MAMDC2: variants seen among roughly 807,000 people sequenced by gnomAD.
MAMDC2 encodes the protein MAM domain-containing protein 2.
In MAMDC2, 57 loss-of-function variants were observed where a neutral mutation model predicts 89.8. That is an observed-to-expected ratio of 0.63 (90% CI 0.51 to 0.79). The LOEUF (loss-of-function observed/expected upper bound fraction) is 0.79. Ranked by LOEUF, MAMDC2 falls within the 30% of genes least tolerant of loss-of-function variation. The pLI is 0.00. For missense variants in MAMDC2, 800 were observed against 820.6 expected, an observed-to-expected ratio of 0.97 and a Z score of 0.31; for synonymous variants, 313 against 293.4, an observed-to-expected ratio of 1.07 and a Z score of -0.68.
chr9:70,109,672 C>T, intron 3 of MAMDC2, 48 bp from the exon 4 acceptor site: 1 of 1,440,834 alleles, frequency 6.9e-7, no homozygotes, highest in Non-Finnish European at 9.8e-7. Flanking sequence ...ACCAAGGAAA[C>T]ATGATGTTTT....
chr9:70,060,327 T>C (rs1267134367), intron 2 of MAMDC2, among the ~76,000 whole-genome samples: 1 of 152,192 alleles, frequency 6.6e-6, no homozygotes, highest in Non-Finnish European at 1.5e-5. Flanking sequence ...TAGCAATCTA[T>C]GAAGGCTGAC....
chr9:70,129,286 G>A (rs1045431904), intron 6 of MAMDC2, among the ~76,000 whole-genome samples: 7 of 152,284 alleles, frequency 4.6e-5, no homozygotes, highest in African/African-American at 1.7e-4. Context: ...GAGTTTCCCT[G>A]CACAAGCTCT....
At chr9:70,069,658 C>T (rs1827356971) in intron 2 of MAMDC2, among the ~76,000 whole-genome samples, 2 of 152,172 alleles carry the variant, frequency 1.3e-5, no homozygotes. Flanking sequence ...GGAAAAGGTT[C>T]CAACTCCTGA....
chr9:70,083,519 T>C (rs1321959392), intron 2 of MAMDC2: 3 of 152,054 alleles, frequency 2.0e-5, no homozygotes, highest in Admixed American at 2.0e-4. Context: ...CCACCACTTA[T>C]GACAATCTAT....
chr9:70,045,427 G>A (rs1826724607), intron 2 of MAMDC2, among the ~76,000 whole-genome samples: 1 of 152,068 alleles, frequency 6.6e-6, no homozygotes. Context: ...AGTACCCAAT[G>A]GCAGGCGGCA....
At chr9:70,077,951 T>C (rs3015170) in intron 2 of MAMDC2, among the ~76,000 whole-genome samples, 28,715 of 151,936 alleles carry the variant, frequency 0.19, 3,882 homozygotes, top group African/African-American at 0.38. Context: ...GGTAAGAAAA[T>C]TTCATTTGTA....
chr9:70,133,737 T>C (rs924159137), intron 7 of MAMDC2, among the ~76,000 whole-genome samples: 7 of 152,190 alleles, frequency 4.6e-5, no homozygotes, highest in African/African-American at 1.7e-4. Flanking sequence ...GTTGGGAAAG[T>C]TAATGAGTTA....
chr9:70,195,218 G>A (rs1310505294), intron 11 of MAMDC2, among the ~76,000 whole-genome samples: 3 of 152,046 alleles, frequency 2.0e-5, no homozygotes, highest in Admixed American at 6.6e-5. Flanking sequence ...AGTCATTCTA[G>A]TAGAACAACA....
At chr9:70,132,530 AAT>A (rs2030849533) in intron 7 of MAMDC2, among the ~76,000 whole-genome samples, 1 of 46,316 alleles carries the variant, frequency 2.2e-5, no homozygotes, top group East Asian at 1.1e-3. Context: ...GGGACTAAGA[AAT>A]TTTTTTTTTT....
intron 2 of MAMDC2, among the ~76,000 whole-genome samples, chr9:70,075,907 A>C (rs1352648253): frequency 6.6e-6 from 1 of 152,256 alleles, no homozygotes; most frequent in Non-Finnish European, 1.5e-5. Flanking sequence ...GGAAATCTTC[A>C]GCACATGTTG....
chr9:70,185,118 T>C (rs2032724258), intron 11 of MAMDC2, among the ~76,000 whole-genome samples: 1 of 152,224 alleles, frequency 6.6e-6, no homozygotes. Context: ...CTGTTAGTTT[T>C]TCTTCTAACA....
At chr9:70,091,732 A>T (rs1456282076) in intron 2 of MAMDC2, among the ~76,000 whole-genome samples, 1 of 152,174 alleles carries the variant, frequency 6.6e-6, no homozygotes, top group Non-Finnish European at 1.5e-5. Context: ...AGGCTTAATT[A>T]TGCCCCAGTG....
intron 12 of MAMDC2, among the ~76,000 whole-genome samples, chr9:70,221,360 T>C (rs1445771639): frequency 1.0e-4 from 1 of 9,632 alleles, no homozygotes; most frequent in African/African-American, 3.5e-4. Flanking sequence ...ACAACAAATA[T>C]ATATATATAT....
At chr9:70,210,242 G>A (rs147515008) in intron 11 of MAMDC2, among the ~76,000 whole-genome samples, 1 of 152,108 alleles carries the variant, frequency 6.6e-6, no homozygotes, top group Non-Finnish European at 1.5e-5. Flanking sequence ...GGGTGTTAAA[G>A]TCTCCCATCA....
intron 5 of MAMDC2, among the ~76,000 whole-genome samples, chr9:70,115,604 C>A (rs1315639461): frequency 2.0e-5 from 3 of 152,192 alleles, no homozygotes; most frequent in African/African-American, 7.2e-5. Flanking sequence ...GATCCGCCTG[C>A]CTCGGCCTCC....
At chr9:70,225,569 T>C (rs948804441) in intron 12 of MAMDC2, among the ~76,000 whole-genome samples, 181 bp from the exon 13 acceptor site, 1 of 152,204 alleles carries the variant, frequency 6.6e-6, no homozygotes, top group Non-Finnish European at 1.5e-5. Context: ...TGTGTTTCTT[T>C]AAATTCCAAA....
chr9:70,062,500 G>A (rs535276834), intron 2 of MAMDC2: 1 of 152,258 alleles, frequency 6.6e-6, no homozygotes, highest in South Asian at 2.1e-4. Flanking sequence ...AAAAAGATCA[G>A]ATCAGCAGGT....
chr9:70,150,297 TCA>T (rs1321910687), intron 9 of MAMDC2, among the ~76,000 whole-genome samples: 2 of 152,248 alleles, frequency 1.3e-5, no homozygotes, highest in East Asian at 1.9e-4. Flanking sequence ...TTGTCAGGTG[TCA>T]CAGTCTGTCT....
intron 12 of MAMDC2, among the ~76,000 whole-genome samples, chr9:70,221,380 T>TATATATATAGAG: frequency 0.015 from 105 of 7,032 alleles, 6 homozygotes; most frequent in Non-Finnish European, 0.021. Context: ...TATATATATA[T>TATATATATAGAG]AGAGAGAGAG....
Sources: gnomAD v4.1 joint callset for allele counts (sites outside exome capture counted in the v4.1 genomes callset) on GRCh38, gnomAD v4.1.1 for gene constraint, MANE v1.5 for transcripts, NCBI Gene and HGNC (gene_info 2026-07-23, HGNC 2026-07-21) for gene names.